Variants in ZNF644 observed in about 807,000 individuals in gnomAD.
The protein encoded by ZNF644 is zinc finger motif enhancer binding protein 2.
ZNF644 carries 20 observed loss-of-function variants against 108.0 expected under a neutral mutation model. The observed-to-expected ratio is 0.19, with a 90% confidence interval of 0.13 to 0.27. The LOEUF (loss-of-function observed/expected upper bound fraction) is 0.27, where lower values mean the gene tolerates loss of function less well. Ranked by LOEUF, ZNF644 falls within the 10% of genes least tolerant of loss-of-function variation. The pLI, the probability that ZNF644 is intolerant of heterozygous loss-of-function variation, is 1.00. For synonymous variants in ZNF644, 542 were observed against 539.1 expected (o/e 1.01, Z -0.08); for missense variants, 1,338 against 1,548.9 (o/e 0.86, Z 2.29).
chr1:90,928,701 G>A (rs1357977930), intron 4 of ZNF644, among the ~76,000 whole-genome samples: 4 of 151,896 alleles, frequency 2.6e-5, no homozygotes, highest in Non-Finnish European at 5.9e-5. Flanking sequence ...CACCTTTCTG[G>A]CACTACAATT....
intron 1 of ZNF644, among the ~76,000 whole-genome samples, chr1:91,010,929 CATTT>C (rs1224223083): frequency 1.3e-5 from 2 of 152,160 alleles, no homozygotes; most frequent in East Asian, 1.9e-4. Flanking sequence ...ACATAACATT[CATTT>C]TTGTCAAAAC....
At chr1:90,964,536 A>G (rs1654645416) in intron 2 of ZNF644, among the ~76,000 whole-genome samples, 1 of 152,168 alleles carries the variant, frequency 6.6e-6, no homozygotes, top group South Asian at 2.1e-4. Context: ...AACATTTACT[A>G]TATTAAGTTG....
In ZNF644 at chr1:90,938,086, T is replaced by C. The variant is rs760558829; in HGVS notation, c.3087A>G (p.Ile1029Met). Reference protein sequence around the residue: ...GTPVKRVRKAIEKSETTSEHT... With the variant: ...GTPVKRVRKAMEKSETTSEHT... ...GTTCAGAAGTGGTTTCAGACTTCTC[T>C]ATAGCTAGAAAAAAATTTTTAAGAG... Residue 1029 changes from isoleucine (I) to methionine (M), a missense_variant, in exon 4 of 6, where the codon ATA becomes ATG. Physicochemically the swap from Ile to Met is conservative, Grantham distance 10. Transcript: ENST00000337393. The surrounding 1 kb of genome is among the most constrained non-coding windows in gnomAD (Gnocchi z 4.2). 2 of 1,610,930 alleles carry C rather than the reference T, an allele frequency of 1.2e-6. No homozygotes were observed. Among genetic ancestry groups the C allele is most frequent in the East Asian group, 2.2e-5 (1 of 44,840 alleles).
chr1:90,953,204 C>A (rs1479561760), intron 2 of ZNF644, among the ~76,000 whole-genome samples: 1 of 152,090 alleles, frequency 6.6e-6, no homozygotes, highest in Non-Finnish European at 1.5e-5. Context: ...TGATTTGTCA[C>A]CTTCTTTACC....
chr1:90,947,193 T>C (rs1652605250), intron 2 of ZNF644, among the ~76,000 whole-genome samples: 1 of 152,224 alleles, frequency 6.6e-6, no homozygotes, highest in South Asian at 2.1e-4. Flanking sequence ...AAATTACAGC[T>C]GCAACCAAAG....
chr1:90,951,831 A>G (rs1653204614), intron 2 of ZNF644, among the ~76,000 whole-genome samples: 1 of 152,234 alleles, frequency 6.6e-6, no homozygotes, highest in Admixed American at 6.5e-5. Context: ...CTCAAGGGTC[A>G]AGAAGAGAGC....
At chr1:91,021,760 T>C (rs1442571083) in intron 1 of ZNF644, 3 of 320,216 alleles carry the variant, frequency 9.4e-6, no homozygotes, top group Non-Finnish European at 1.7e-5. Context: ...GCTCCTTGTG[T>C]AGCACCAACT....
intron 1 of ZNF644, among the ~76,000 whole-genome samples, chr1:91,003,517 A>AC (rs1659096549): frequency 6.6e-6 from 1 of 150,648 alleles, no homozygotes; most frequent in African/African-American, 2.4e-5. Context: ...AATATCACAC[A>AC]CTGGGGCCTG....
chr1:90,944,066 G>C (rs1479683549), intron 2 of ZNF644, among the ~76,000 whole-genome samples: 1 of 152,174 alleles, frequency 6.6e-6, no homozygotes, highest in Non-Finnish European at 1.5e-5. Flanking sequence ...AAGCAATGTT[G>C]CTAACGAAGT....
chr1:90,995,292 G>A (rs1298734180), intron 1 of ZNF644, among the ~76,000 whole-genome samples: 2 of 152,052 alleles, frequency 1.3e-5, no homozygotes, highest in Non-Finnish European at 2.9e-5. Flanking sequence ...AGAGATAGCA[G>A]AAGAAAGAAT....
At chr1:90,969,183 A>C (rs951307621) in intron 2 of ZNF644, among the ~76,000 whole-genome samples, 3 of 152,152 alleles carry the variant, frequency 2.0e-5, no homozygotes, top group African/African-American at 7.2e-5. Context: ...ATCCAGTCTA[A>C]CTGGTGTCCT....
intron 4 of ZNF644, among the ~76,000 whole-genome samples, chr1:90,924,328 T>C (rs1288750735): frequency 2.0e-4 from 30 of 152,182 alleles, no homozygotes; most frequent in Admixed American, 1.8e-3. Flanking sequence ...GCATTAGCCA[T>C]CAACATCAAC....
At chr1:90,947,174 G>T (rs891033807) in intron 2 of ZNF644, among the ~76,000 whole-genome samples, 11 of 152,202 alleles carry the variant, frequency 7.2e-5, no homozygotes, top group Non-Finnish European at 1.5e-4. Flanking sequence ...GCAACTGGAA[G>T]AAGGCAATAA....
intron 1 of ZNF644, chr1:91,020,856 T>C (rs1660842741): frequency 6.6e-6 from 1 of 152,206 alleles, no homozygotes; most frequent in South Asian, 2.1e-4. Flanking sequence ...GATACTTCTG[T>C]TGAAATTATT....
chr1:90,997,921 T>A (rs562064698), intron 1 of ZNF644, among the ~76,000 whole-genome samples: 4 of 152,268 alleles, frequency 2.6e-5, no homozygotes, highest in African/African-American at 9.6e-5. Flanking sequence ...GCTTGGAGGG[T>A]CCCACGCCCA....
chr1:90,918,877 G>GT (rs1557538131), intron 4 of ZNF644, among the ~76,000 whole-genome samples: 3 of 151,678 alleles, frequency 2.0e-5, no homozygotes, highest in Admixed American at 1.3e-4. Context: ...ATTATCTCAC[G>GT]TAAGTTTACA....
At chr1:90,934,407 C>T (rs1651099529) in intron 4 of ZNF644, among the ~76,000 whole-genome samples, 1 of 151,848 alleles carries the variant, frequency 6.6e-6, no homozygotes, top group South Asian at 2.1e-4. Flanking sequence ...TAAAAAAGAG[C>T]AAGAGAAATA....
At chr1:90,990,253 C>T (rs1460466965) in intron 1 of ZNF644, among the ~76,000 whole-genome samples, 1 of 152,124 alleles carries the variant, frequency 6.6e-6, no homozygotes, top group African/African-American at 2.4e-5. Context: ...ATACACTTAA[C>T]ACTACTAGAC....
chr1:90,956,257 A>C (rs1429556597), intron 2 of ZNF644, among the ~76,000 whole-genome samples: 1 of 152,242 alleles, frequency 6.6e-6, no homozygotes, highest in African/African-American at 2.4e-5. Context: ...AAACACTGTG[A>C]GGATTACCTA....
Sources: allele counts gnomAD v4.1 joint callset (sites outside exome capture counted in the v4.1 genomes callset), GRCh38; gene constraint gnomAD v4.1.1; non-coding constraint Gnocchi (gnomAD v3.1); transcripts MANE v1.5; gene names NCBI Gene and HGNC (gene_info 2026-07-23, HGNC 2026-07-21).